DOCK5: variants seen among roughly 807,000 people sequenced by gnomAD.
DOCK5 encodes the protein dedicator of cytokinesis protein 5.
In DOCK5, 142 loss-of-function variants were observed where a neutral mutation model predicts 251.8. The observed-to-expected ratio is 0.56, with a 90% CI of 0.49 to 0.65. DOCK5 has a LOEUF of 0.65. Among genes scored for constraint, DOCK5 ranks in the 30% least tolerant of loss-of-function variants. The pLI is 0.00. For synonymous variants in DOCK5, 842 were observed against 835.5 expected, an observed-to-expected ratio of 1.01 and a Z score of -0.13; for missense variants, 2,111 against 2,312.3, an observed-to-expected ratio of 0.91 and a Z score of 1.79.
At chr8:25,208,079 A>T (rs1252689786) in intron 1 of DOCK5, among the ~76,000 whole-genome samples, 1 of 152,224 alleles carries the variant, frequency 6.6e-6, no homozygotes, top group Non-Finnish European at 1.5e-5. Context: ...GTCCCTGCAG[A>T]TGTTGTGGAA....
At chr8:25,372,757 C>G in intron 35 of DOCK5, 39 bp downstream of exon 35, 1 of 1,580,714 alleles carries the variant, frequency 6.3e-7, no homozygotes. Context: ...AGGGTACTGT[C>G]AGGCCGCCCC....
intron 1 of DOCK5, among the ~76,000 whole-genome samples, chr8:25,190,217 A>G (rs1178418946): frequency 1.3e-5 from 2 of 152,332 alleles, no homozygotes; most frequent in East Asian, 1.9e-4. Flanking sequence ...AAAGTACGAT[A>G]CAAAGTTCCA....
At chr8:25,187,285 A>T (rs1801455703) in intron 1 of DOCK5, among the ~76,000 whole-genome samples, 1 of 149,032 alleles carries the variant, frequency 6.7e-6, no homozygotes, top group Non-Finnish European at 1.5e-5. Flanking sequence ...ATATGTATAT[A>T]TGTATATACA....
chr8:25,295,682 CAGTG>C (rs2117157214), intron 6 of DOCK5, among the ~76,000 whole-genome samples: 1 of 152,318 alleles, frequency 6.6e-6, no homozygotes, highest in Admixed American at 6.5e-5. Context: ...ATGTAATAAA[CAGTG>C]AGACCACGCC....
At position 25,395,534 on chromosome 8, in the gene DOCK5, GTCAC is replaced by G; in HGVS notation, c.4528-5_4528-2del. Reference sequence around the variant, plus strand: ...GTGTCCTCTTTCTCCCATGTGCTCTGTCACTCAGGAAGAGATCAGTCCTCTGGAG... The same window carrying G: ...GTGTCCTCTTTCTCCCATGTGCTCTGTCAGGAAGAGATCAGTCCTCTGGAG... On this transcript the variant is annotated splice_polypyrimidine_tract_variant and splice_region_variant and intron_variant, in intron 44 of 51. Transcript: ENST00000276440. The G allele has an allele frequency of 6.2e-7, 1 of 1,602,346 alleles. No homozygotes were observed. The highest frequency in any genetic ancestry group is 8.5e-7 in the Non-Finnish European group (1 of 1,177,242).
intron 3 of DOCK5, among the ~76,000 whole-genome samples, chr8:25,273,573 A>G (rs1803969281): frequency 6.6e-6 from 1 of 152,246 alleles, no homozygotes; most frequent in African/African-American, 2.4e-5. Flanking sequence ...ACTGTACTCC[A>G]GTCTGGGCAA....
intron 24 of DOCK5, 123 bp downstream of exon 24, chr8:25,341,932 T>C: frequency 1.3e-6 from 1 of 770,612 alleles, no homozygotes; most frequent in African/African-American, 1.8e-5. Flanking sequence ...AATACCTTTT[T>C]GTGCTCAGTT....
rs1335866394 is a variant in DOCK5 at position 25,319,694 on chromosome 8, G to T, written c.1542+18G>T. 2.0e-6 allele frequency: 3 copies of T among 1,522,422 alleles called. No individual in the cohort carries two copies. The highest frequency in any genetic ancestry group is 1.4e-5 in the African/African-American group (1 of 72,884). 94.3% of individuals were successfully genotyped at this position (1,522,422 alleles called of 1,614,324 possible). On this transcript the variant is annotated intron_variant, in intron 15 of 51. Coordinates refer to ENST00000276440, the MANE Select transcript of DOCK5 (RefSeq NM_024940.8). ...CTGTCAAGGTGAGAATGAGTCATTT[G>T]TAACCCCTGTTATCTGTTAAACCTC... is the stretch of plus-strand genomic sequence containing the variant.
At chr8:25,294,612 C>T (rs1385883916) in intron 6 of DOCK5, among the ~76,000 whole-genome samples, 1 of 152,180 alleles carries the variant, frequency 6.6e-6, no homozygotes, top group African/African-American at 2.4e-5. Flanking sequence ...TGCAGAGCTA[C>T]AACTTCACAC....
chr8:25,372,721 A>G lies in DOCK5; in HGVS notation c.3684+3A>G. 2 of 1,609,332 alleles carry G rather than the reference A, an allele frequency of 1.2e-6. No homozygotes were observed. Among genetic ancestry groups the G allele is most frequent in the Non-Finnish European group, 1.7e-6 (2 of 1,177,840 alleles). ...TGAGCTGCACTGTGAACGTGCTGGT[A>G]TGTGACATGCCTCCGGTGTGATGGG... On this transcript the variant is annotated splice_donor_region_variant and intron_variant, in intron 35 of 51. Transcript: ENST00000276440.
At chr8:25,239,371 T>G (rs886351912) in intron 1 of DOCK5, among the ~76,000 whole-genome samples, 1 of 100,236 alleles carries the variant, frequency 1.0e-5, no homozygotes, top group African/African-American at 4.5e-5. Flanking sequence ...GTGTGTGTGT[T>G]TCCAGCAGTC....
At chr8:25,190,061 A>G (rs544294443) in intron 1 of DOCK5, among the ~76,000 whole-genome samples, 1 of 152,112 alleles carries the variant, frequency 6.6e-6, no homozygotes, top group East Asian at 1.9e-4. Context: ...CAGTTTTTGT[A>G]TTTTTAGTAG....
intron 2 of DOCK5, among the ~76,000 whole-genome samples, chr8:25,259,547 C>T (rs1207760625): frequency 6.6e-6 from 1 of 152,172 alleles, no homozygotes; most frequent in African/African-American, 2.4e-5. Context: ...GCTCAACTTC[C>T]TGAGCTCAAG....
At chr8:25,344,538 T>C (rs1275616612) in intron 25 of DOCK5, among the ~76,000 whole-genome samples, 1 of 152,210 alleles carries the variant, frequency 6.6e-6, no homozygotes. Context: ...TGGCCTTCTC[T>C]AAGTCTCAGC....
intron 3 of DOCK5, among the ~76,000 whole-genome samples, chr8:25,273,614 AAATG>A (rs1271730770): frequency 6.6e-5 from 10 of 152,208 alleles, no homozygotes; most frequent in African/African-American, 2.4e-4. Flanking sequence ...AAGAATGAAT[AAATG>A]AATGAACGCA....
At chr8:25,267,640 C>G (rs1277261144) in intron 2 of DOCK5, among the ~76,000 whole-genome samples, 1 of 152,082 alleles carries the variant, frequency 6.6e-6, no homozygotes, top group Non-Finnish European at 1.5e-5. Context: ...ACTGCAGTTT[C>G]TTTTGCACCA....
At chr8:25,194,893 A>C (rs942635583) in intron 1 of DOCK5, among the ~76,000 whole-genome samples, 16 of 150,718 alleles carry the variant, frequency 1.1e-4, no homozygotes, top group Admixed American at 1.3e-4. Flanking sequence ...AGCCTGCATT[A>C]GCGTCTGCAG....
intron 7 of DOCK5, among the ~76,000 whole-genome samples, chr8:25,297,626 T>C (rs1804651163): frequency 6.6e-6 from 1 of 152,124 alleles, no homozygotes; most frequent in Admixed American, 6.6e-5. Context: ...TGACCTCAGG[T>C]GATCCACCCT....
At chr8:25,284,797 C>T (rs747522212) in intron 5 of DOCK5, among the ~76,000 whole-genome samples, 19 of 152,196 alleles carry the variant, frequency 1.2e-4, no homozygotes, top group Non-Finnish European at 2.6e-4. Flanking sequence ...CATCTCAAGT[C>T]AAAGGATCAT....
Sources: allele counts gnomAD v4.1 joint callset (sites outside exome capture counted in the v4.1 genomes callset), GRCh38; gene constraint gnomAD v4.1.1; transcripts MANE v1.5; gene names NCBI Gene and HGNC (gene_info 2026-07-23, HGNC 2026-07-21).